The following SCMH1 variants were observed in gnomAD, a reference collection of about 807,000 sequenced individuals.
The protein encoded by SCMH1 is Scm polycomb group protein homolog 1, also known as polycomb protein SCMH1.
Under a neutral mutation model 70.8 loss-of-function variants are expected in SCMH1, and 37 were observed. The observed-to-expected ratio is 0.52, with a 90% CI of 0.40 to 0.69. The LOEUF is 0.69. Among genes scored for constraint, SCMH1 ranks in the 30% least tolerant of loss-of-function variants. The probability of loss-of-function intolerance (pLI) is 0.00; values close to 1 mark genes in which losing one functional copy is unlikely to be tolerated. For synonymous variants in SCMH1, 292 were observed against 307.4 expected (o/e 0.95, Z 0.52); for missense variants, 607 against 827.3 (o/e 0.73, Z 3.27).
chr1:41,116,747 C>A (rs1177344521), intron 7 of SCMH1, among the ~76,000 whole-genome samples, 175 bp downstream of exon 7: 1 of 149,276 alleles, frequency 6.7e-6, no homozygotes, highest in African/African-American at 2.4e-5. Flanking sequence ...ATCTATGGGA[C>A]CTTATAGTCT....
chr1:41,090,607 C>T (rs1005163654), intron 8 of SCMH1, among the ~76,000 whole-genome samples: 3 of 151,840 alleles, frequency 2.0e-5, no homozygotes, highest in Admixed American at 2.0e-4. Context: ...ACACTGTATG[C>T]CTGTATCAAA....
intron 8 of SCMH1, among the ~76,000 whole-genome samples, chr1:41,106,481 C>T (rs527301642): frequency 1.4e-4 from 21 of 151,734 alleles, no homozygotes; most frequent in African/African-American, 4.9e-4. Flanking sequence ...AACTCTAAGC[C>T]AATTAAACCT....
intron 8 of SCMH1, among the ~76,000 whole-genome samples, chr1:41,092,615 T>C: frequency 6.6e-6 from 1 of 152,140 alleles, no homozygotes; most frequent in Admixed American, 6.5e-5. Context: ...ATTTTTGCAA[T>C]CTACCCATCT....
intron 6 of SCMH1, among the ~76,000 whole-genome samples, chr1:41,132,192 C>T (rs1642446341): frequency 6.6e-6 from 1 of 152,196 alleles, no homozygotes; most frequent in Non-Finnish European, 1.5e-5. Flanking sequence ...TATTTCTCCA[C>T]ATCCTCTCCA....
chr1:41,197,331 G>A (rs1188634713), intron 1 of SCMH1, among the ~76,000 whole-genome samples: 1 of 152,064 alleles, frequency 6.6e-6, no homozygotes, highest in East Asian at 1.9e-4. Flanking sequence ...ACAAAACATG[G>A]TATACACATA....
chr1:41,040,265 A>G (rs1571314841), intron 12 of SCMH1, among the ~76,000 whole-genome samples: 1 of 152,328 alleles, frequency 6.6e-6, no homozygotes, highest in East Asian at 1.9e-4. Context: ...ACAAATAGAT[A>G]AGGACCTAGC....
At chr1:41,224,515 G>C (rs1019869198) in intron 1 of SCMH1, among the ~76,000 whole-genome samples, 2 of 152,128 alleles carry the variant, frequency 1.3e-5, no homozygotes, top group African/African-American at 4.8e-5. Context: ...CCCTAATTCA[G>C]GGTGGAGGCT....
At chr1:41,084,671 T>G (rs1249303151) in intron 8 of SCMH1, among the ~76,000 whole-genome samples, 1 of 152,242 alleles carries the variant, frequency 6.6e-6, no homozygotes, top group East Asian at 1.9e-4. Context: ...TAAAGACACA[T>G]GCACACGTAT....
intron 10 of SCMH1, among the ~76,000 whole-genome samples, chr1:41,062,791 T>A (rs1653192535): frequency 6.8e-6 from 1 of 146,940 alleles, no homozygotes; most frequent in South Asian, 2.1e-4. Context: ...TGGTGGCGTG[T>A]GCCTGTAATC....
At chr1:41,230,494 ATAAAAATT>A (rs1321096039) in intron 1 of SCMH1, among the ~76,000 whole-genome samples, 4 of 152,032 alleles carry the variant, frequency 2.6e-5, no homozygotes, top group Admixed American at 1.3e-4. Context: ...TCCCTATAAA[ATAAAAATT>A]TAAAAATTAG....
At chr1:41,074,655 C>A (rs917459519) in intron 9 of SCMH1, among the ~76,000 whole-genome samples, 1 of 152,184 alleles carries the variant, frequency 6.6e-6, no homozygotes, top group Non-Finnish European at 1.5e-5. Context: ...GTACACTAGA[C>A]CAGAATCTCC....
At chr1:41,087,842 C>G (rs1409669382) in intron 8 of SCMH1, among the ~76,000 whole-genome samples, 2 of 151,640 alleles carry the variant, frequency 1.3e-5, no homozygotes, top group Non-Finnish European at 2.9e-5. Context: ...TATGAAAATA[C>G]ATGTGTACAA....
chr1:41,050,537 AAGT>A (rs1161620703), intron 10 of SCMH1, among the ~76,000 whole-genome samples: 3 of 152,170 alleles, frequency 2.0e-5, no homozygotes, highest in African/African-American at 7.2e-5. Context: ...GGAAAACAGA[AAGT>A]AGGGAGGTGA....
Position 41,113,629 on chromosome 1 carries a change from GA to G in SCMH1, c.502-104del. The G allele has an allele frequency of 2.5e-6, 3 of 1,210,266 alleles. No individual in the cohort carries two copies. The highest frequency in any genetic ancestry group is 2.7e-5 in the Admixed American group (1 of 37,308). 75.0% of individuals were successfully genotyped at this position (1,210,266 alleles called of 1,614,324 possible). On this transcript the variant is annotated intron_variant, in intron 7 of 14. Transcript: ENST00000337495. The surrounding 1 kb of genome is among the most constrained non-coding windows in gnomAD (Gnocchi z 4.3). ...TGATTAAAAAGTGACTGCTACATGA[GA>G]CTTATAATGGATATATAGCCTTTCT...
intron 1 of SCMH1, among the ~76,000 whole-genome samples, chr1:41,212,873 C>A (rs1657326344): frequency 6.6e-6 from 1 of 151,360 alleles, no homozygotes; most frequent in African/African-American, 2.4e-5. Flanking sequence ...GAGACTCTGT[C>A]TGGAGGGAAA....
chr1:41,164,775 C>T (rs1646302836), intron 2 of SCMH1, among the ~76,000 whole-genome samples: 1 of 152,020 alleles, frequency 6.6e-6, no homozygotes, highest in Non-Finnish European at 1.5e-5. Context: ...AATAATTTTA[C>T]ATATTTATGG....
intron 10 of SCMH1, among the ~76,000 whole-genome samples, chr1:41,057,495 C>G (rs2148773519): frequency 6.6e-6 from 1 of 152,196 alleles, no homozygotes; most frequent in East Asian, 1.9e-4. Context: ...AGTGATCTGC[C>G]CACCTTGACC....
chr1:41,113,293 A>T lies in SCMH1; in HGVS notation c.735T>A (p.Pro245=). 1 of 1,613,520 alleles carries T rather than the reference A, an allele frequency of 6.2e-7. No homozygotes were observed. Among genetic ancestry groups the T allele is most frequent in the Non-Finnish European group, 8.5e-7 (1 of 1,179,760 alleles). Residue 245 remains proline (P), a synonymous_variant, in exon 8 of 15, where the codon CCT becomes CCA. Coordinates refer to ENST00000337495, the Ensembl canonical transcript of SCMH1. The surrounding 1 kb of genome is among the most constrained non-coding windows in gnomAD (Gnocchi z 4.3). Reference sequence around the variant, plus strand: ...TAGATGGGCCTTTACCTTTGGTGCCAGGAGGCTGCAGGTTGTCTCCAGTCA... The same window carrying T: ...TAGATGGGCCTTTACCTTTGGTGCCTGGAGGCTGCAGGTTGTCTCCAGTCA...
At chr1:41,075,410 T>G in exon 9 of SCMH1, 1 of 1,614,100 alleles carries the variant, frequency 6.2e-7, no homozygotes, top group African/African-American at 1.3e-5. Flanking sequence ...GGCTTCTCAG[T>G]ATTCACATCG....
Sources: gnomAD v4.1 joint callset for allele counts (sites outside exome capture counted in the v4.1 genomes callset) on GRCh38, gnomAD v4.1.1 for gene constraint, Gnocchi (gnomAD v3.1) non-coding constraint, MANE v1.5 for transcripts, NCBI Gene and HGNC (gene_info 2026-07-23, HGNC 2026-07-21) for gene names.